The following BMPR1B variants were observed in gnomAD, a reference collection of about 807,000 sequenced individuals.
BMPR1B encodes bone morphogenetic protein receptor type-1B.
Under a neutral mutation model 59.1 loss-of-function variants are expected in BMPR1B, and 12 were observed. The ratio of observed to expected loss-of-function variants is 0.20; its 90% CI spans 0.13 to 0.33. The LOEUF is 0.33. Ranked by LOEUF, BMPR1B falls within the 10% of genes least tolerant of loss-of-function variation. The pLI, the probability that BMPR1B is intolerant of heterozygous loss-of-function variation, is 1.00. For synonymous variants in BMPR1B, 237 were observed against 207.3 expected (o/e 1.14, Z -1.23); for missense variants, 550 against 610.9 (o/e 0.90, Z 1.05).
At chr4:95,143,186 G>C (rs1334181031) in intron 10 of BMPR1B, among the ~76,000 whole-genome samples, 1 of 152,182 alleles carries the variant, frequency 6.6e-6, no homozygotes, top group Non-Finnish European at 1.5e-5. Context: ...CGCCATACCA[G>C]GCAGCAGTGC....
intron 3 of BMPR1B, among the ~76,000 whole-genome samples, chr4:95,085,629 C>T (rs1292917050): frequency 6.6e-6 from 1 of 152,120 alleles, no homozygotes; most frequent in Non-Finnish European, 1.5e-5. Context: ...TCTGGGTTCA[C>T]CGCTTGTGAG....
intron 1 of BMPR1B, among the ~76,000 whole-genome samples, chr4:94,818,298 C>T (rs1724083643): frequency 6.6e-6 from 1 of 152,078 alleles, no homozygotes; most frequent in African/African-American, 2.4e-5. Context: ...ATCAGGGGCT[C>T]TACTAAGTAT....
intron 2 of BMPR1B, among the ~76,000 whole-genome samples, chr4:94,955,162 G>A (rs1444927): frequency 0.46 from 70,493 of 152,034 alleles, 16,809 homozygotes; most frequent in South Asian, 0.6. Context: ...AGCATCTTCT[G>A]CCTTGCCTAT....
intron 1 of BMPR1B, among the ~76,000 whole-genome samples, chr4:94,859,566 A>G (rs1463246776): frequency 2.0e-5 from 3 of 152,196 alleles, no homozygotes; most frequent in Non-Finnish European, 2.9e-5. Context: ...TAGAATAAAG[A>G]TAGAAAGCAC....
chr4:95,032,613 A>G (rs989976827), intron 3 of BMPR1B, among the ~76,000 whole-genome samples: 6 of 152,186 alleles, frequency 3.9e-5, no homozygotes, highest in African/African-American at 1.4e-4. Flanking sequence ...AAGTAGAAGC[A>G]TACAATCTTT....
At chr4:95,099,034 A>T (rs770748121) in intron 3 of BMPR1B, among the ~76,000 whole-genome samples, 1 of 152,138 alleles carries the variant, frequency 6.6e-6, no homozygotes, top group Non-Finnish European at 1.5e-5. Context: ...TTTTAAAGTT[A>T]TCAGGTGATT....
At chr4:94,804,590 CTTTTTTTTT>C (rs5860375) in intron 1 of BMPR1B, among the ~76,000 whole-genome samples, 1 of 121,568 alleles carries the variant, frequency 8.2e-6, no homozygotes, top group Non-Finnish European at 1.6e-5. Flanking sequence ...CTTTGTAATA[CTTTTTTTTT>C]TTTTTTTTTT....
At chr4:95,030,355 AC>A (rs1332697652) in intron 3 of BMPR1B, among the ~76,000 whole-genome samples, 1 of 152,038 alleles carries the variant, frequency 6.6e-6, no homozygotes. Context: ...TTTTCCCAGC[AC>A]CATTTATTAA....
intron 3 of BMPR1B, among the ~76,000 whole-genome samples, chr4:95,081,045 G>C (rs961562536): frequency 1.2e-4 from 18 of 152,112 alleles, no homozygotes; most frequent in African/African-American, 3.9e-4. Flanking sequence ...TAATGGGTGT[G>C]GTGATGTTCA....
At chr4:94,903,839 G>A (rs1213363787) in intron 2 of BMPR1B, among the ~76,000 whole-genome samples, 1 of 151,858 alleles carries the variant, frequency 6.6e-6, no homozygotes, top group Non-Finnish European at 1.5e-5. Flanking sequence ...ATGCAAGGAG[G>A]GAGGCCTCAG....
chr4:94,853,196 C>A (rs1725628239), intron 1 of BMPR1B, among the ~76,000 whole-genome samples: 1 of 152,054 alleles, frequency 6.6e-6, no homozygotes, highest in Non-Finnish European at 1.5e-5. Flanking sequence ...CATTTATTTA[C>A]TAAATTTTTC....
chr4:95,104,592 C>G (rs2149265647), intron 4 of BMPR1B, 25 bp downstream of exon 4: 1 of 1,612,658 alleles, frequency 6.2e-7, no homozygotes, highest in Non-Finnish European at 8.5e-7. Context: ...TGATTTAAAG[C>G]TAGCTTTAAC....
In BMPR1B at chr4:95,155,037, T is replaced by C. The variant is rs1007191483; in HGVS notation, c.*364T>C. 2.9e-5 allele frequency: 6 copies of C among 205,756 alleles called. No individual in the cohort carries two copies. The highest frequency in any genetic ancestry group is 1.2e-4 in the East Asian group (1 of 8,250). 12.7% of individuals were successfully genotyped at this position (205,756 alleles called of 1,614,324 possible). On this transcript the variant is annotated 3_prime_UTR_variant, in exon 13 of 13. Coordinates refer to ENST00000515059, the MANE Select transcript of BMPR1B (RefSeq NM_001203.3). ...GTGGATGGTTTAAGGGTTATAGTAT[T>C]ATAGTTTAAATAATAACAACAAAAT...
rs117992611 is a variant in BMPR1B at position 94,783,462 on chromosome 4, T to A, written c.-183+25394T>A. On this transcript the variant is annotated intron_variant, in intron 1 of 12. Transcript: ENST00000515059. ...GGCTTGAACTTCCCTTATACTCTGC[T>A]GTTTCAGTTAAAGTTAGTCCCTTTA... 2.6e-3 allele frequency among the ~76,000 whole-genome samples: 401 copies of A among 152,364 alleles called. 16 individuals are homozygous for A. The East Asian group carries it at 0.066, about 25-fold the overall frequency.
intron 1 of BMPR1B, among the ~76,000 whole-genome samples, chr4:94,832,932 CG>C (rs1560505740): frequency 6.6e-6 from 1 of 151,764 alleles, no homozygotes; most frequent in Admixed American, 6.6e-5. Context: ...AGGGATAGGC[CG>C]GGAACGGTGG....
Position 94,799,444 on chromosome 4 carries a change from C to T in BMPR1B, c.-183+41376C>T, listed in dbSNP as rs182037844. ...TCAGCCTCCCAAGTAGCTGAGACTA[C>T]AGGCACGCGCCACCATGCCCAGCTA... On this transcript the variant is annotated intron_variant, in intron 1 of 12. Coordinates refer to ENST00000515059, the MANE Select transcript of BMPR1B (RefSeq NM_001203.3). 4.0e-3 allele frequency among the ~76,000 whole-genome samples: 600 copies of T among 151,168 alleles called. 1 individual carries two copies. Among genetic ancestry groups the T allele is most frequent in the Non-Finnish European group, 6.7e-3 (455 of 67,810 alleles).
chr4:94,953,355 T>C (rs952129405), intron 2 of BMPR1B, among the ~76,000 whole-genome samples: 3 of 152,354 alleles, frequency 2.0e-5, no homozygotes, highest in African/African-American at 7.2e-5. Flanking sequence ...CTTCATAGTG[T>C]CGACGGTCTT....
chr4:95,114,642 C>T (rs1731876789), intron 4 of BMPR1B, 78 bp from the exon 5 acceptor site: 3 of 1,071,662 alleles, frequency 2.8e-6, no homozygotes, highest in Non-Finnish European at 4.2e-6. Context: ...TCCTTTTCCC[C>T]TAGACACACA....
chr4:95,041,403 G>A (rs375662072), intron 3 of BMPR1B, among the ~76,000 whole-genome samples: 2 of 151,966 alleles, frequency 1.3e-5, no homozygotes, highest in Admixed American at 1.3e-4. Flanking sequence ...AGTTCCACCC[G>A]CCATGGGTTG....
Sources: gnomAD v4.1 joint callset for allele counts (sites outside exome capture counted in the v4.1 genomes callset) on GRCh38, gnomAD v4.1.1 for gene constraint, MANE v1.5 for transcripts, NCBI Gene and HGNC (gene_info 2026-07-23, HGNC 2026-07-21) for gene names.